ALPK2: variants seen among roughly 807,000 people sequenced by gnomAD.
ALPK2 encodes alpha kinase 2.
Under a neutral mutation model 163.1 loss-of-function variants are expected in ALPK2, and 127 were observed. The observed-to-expected ratio is 0.78, with a 90% confidence interval of 0.67 to 0.90. The LOEUF (loss-of-function observed/expected upper bound fraction) is 0.90. Ranked by LOEUF, ALPK2 falls within the 40% of genes least tolerant of loss-of-function variation. The pLI, the probability that ALPK2 is intolerant of heterozygous loss-of-function variation, is 0.00. For synonymous variants in ALPK2, 953 were observed against 959.1 expected, an observed-to-expected ratio of 0.99 and a Z score of 0.12; for missense variants, 2,360 against 2,589.6, an observed-to-expected ratio of 0.91 and a Z score of 1.92.
chr18:58,503,997 AT>A lies in ALPK2; in HGVS notation c.6180del (p.Lys2060AsnfsTer19). 1.2e-6 allele frequency: 2 copies of A among 1,614,160 alleles called. No homozygotes were observed. The highest frequency in any genetic ancestry group is 1.7e-6 in the Non-Finnish European group (2 of 1,180,032). ...TACACCCAGTGCTGGAAGGTGCAAC[AT>A]TTCTGACCAGCTTCTGATTCTCTTC... Reference protein sequence around the residue: ...FLRRESEAGQKCCTFQHWVYQ... With the variant: ...FLRRESEAGQXCCTFQHWVYQ... On this transcript the variant is annotated frameshift_variant, in exon 11 of 13. Coordinates refer to ENST00000361673, the MANE Select transcript of ALPK2 (RefSeq NM_052947.4). LOFTEE classifies it high-confidence loss of function.
chr18:58,536,869 C>T lies in ALPK2; in HGVS notation c.3318G>A (p.Leu1106=). 6.2e-7 allele frequency: 1 copy of T among 1,614,170 alleles called. No individual in the cohort carries two copies. Among genetic ancestry groups the T allele is most frequent in the South Asian group, 1.1e-5 (1 of 91,084 alleles). ...CCACAGTCTGGCTCTTATCTCCAGACAGGTTATCAACCTGAAGAGGGGAAT... is the reference window on the plus strand; with the variant it reads ...CCACAGTCTGGCTCTTATCTCCAGATAGGTTATCAACCTGAAGAGGGGAAT... ...CSNSPLQVDN[L]SGDKSQTVDR... is the part of the protein sequence containing the mutation. The change falls in exon 5 of 13, where the codon CTG becomes CTA. Residue 1106 remains leucine (L), a synonymous_variant. Transcript: ENST00000361673.
intron 11 of ALPK2, among the ~76,000 whole-genome samples, chr18:58,501,247 G>T (rs750130725): frequency 2.6e-5 from 4 of 152,240 alleles, no homozygotes; most frequent in African/African-American, 7.2e-5. Flanking sequence ...GAAACTAACT[G>T]TGCATGAAGC....
chr18:58,597,945 C>A (rs917706050), intron 3 of ALPK2, among the ~76,000 whole-genome samples: 11 of 152,226 alleles, frequency 7.2e-5, no homozygotes, highest in African/African-American at 2.4e-4. Context: ...GAGAAGGCAG[C>A]TTCTGCAAAC....
At chr18:58,514,270 A>G (rs893034807) in intron 10 of ALPK2, among the ~76,000 whole-genome samples, 7 of 152,262 alleles carry the variant, frequency 4.6e-5, no homozygotes, top group Non-Finnish European at 7.3e-5. Context: ...AACAGGTGCA[A>G]TGCAGACAAG....
chr18:58,600,025 A>ATTTT (rs1568097627), intron 3 of ALPK2, among the ~76,000 whole-genome samples: 13 of 82,888 alleles, frequency 1.6e-4, no homozygotes, highest in Non-Finnish European at 1.9e-4. Flanking sequence ...CAATGGGGAT[A>ATTTT]TCTTTTTTTT....
At chr18:58,547,392 C>T (rs992189838) in intron 4 of ALPK2, among the ~76,000 whole-genome samples, 5 of 152,332 alleles carry the variant, frequency 3.3e-5, no homozygotes, top group Non-Finnish European at 4.4e-5. Flanking sequence ...GGCTGGAGAA[C>T]GGCTCACCAT....
At chr18:58,520,533 T>A (rs770969000) in intron 8 of ALPK2, among the ~76,000 whole-genome samples, 5 of 150,916 alleles carry the variant, frequency 3.3e-5, no homozygotes, top group Admixed American at 6.6e-5. Context: ...CTCACTGAGG[T>A]TCCTTGCTAC....
intron 1 of ALPK2, among the ~76,000 whole-genome samples, chr18:58,626,861 T>C (rs1056907354): frequency 4.0e-5 from 6 of 150,608 alleles, no homozygotes; most frequent in African/African-American, 1.5e-4. Context: ...GTTTATTTTA[T>C]GGTAGTATTC....
chr18:58,602,028 A>G (rs2052073000), intron 3 of ALPK2, among the ~76,000 whole-genome samples: 1 of 152,110 alleles, frequency 6.6e-6, no homozygotes, highest in South Asian at 2.1e-4. Flanking sequence ...AAATGTTTCC[A>G]GACATTACCA....
At chr18:58,574,645 T>G (rs773836063) in intron 4 of ALPK2, among the ~76,000 whole-genome samples, 1 of 151,992 alleles carries the variant, frequency 6.6e-6, no homozygotes, top group Non-Finnish European at 1.5e-5. Context: ...TAATGCCTGA[T>G]GATCTGAAGT....
At chr18:58,620,502 AGGTGAGGGCAGT>A (rs1279936998) in intron 1 of ALPK2, among the ~76,000 whole-genome samples, 2 of 152,216 alleles carry the variant, frequency 1.3e-5, no homozygotes, top group African/African-American at 2.4e-5. Context: ...TGGTGGTTGG[AGGTGAGGGCAGT>A]GGGGAGAATG....
chr18:58,558,956 TG>T (rs1173744560), intron 4 of ALPK2, among the ~76,000 whole-genome samples: 1 of 152,216 alleles, frequency 6.6e-6, no homozygotes, highest in Non-Finnish European at 1.5e-5. Context: ...TTAATAAGTA[TG>T]GGTTTCTTTC....
chr18:58,499,981 G>A (rs548441851), intron 11 of ALPK2, among the ~76,000 whole-genome samples: 3 of 152,360 alleles, frequency 2.0e-5, no homozygotes, highest in South Asian at 4.1e-4. Flanking sequence ...CGGATTCAGC[G>A]TTATCTGCTG....
intron 12 of ALPK2, among the ~76,000 whole-genome samples, chr18:58,482,819 G>T (rs764768019): frequency 1.3e-5 from 2 of 152,156 alleles, no homozygotes; most frequent in Non-Finnish European, 2.9e-5. Flanking sequence ...CTCCTTGAAT[G>T]GACAGCTGCC....
intron 4 of ALPK2, among the ~76,000 whole-genome samples, chr18:58,570,129 CAA>C (rs11329554): frequency 0.18 from 22,497 of 125,382 alleles, 1,797 homozygotes; most frequent in East Asian, 0.29. Context: ...GACTCCGTCT[CAA>C]AAAAAAAAAA....
rs940061249 is a variant in ALPK2, at chr18:58,504,267, G to A, written c.6030-119C>T. On this transcript the variant is annotated intron_variant, in intron 10 of 12. Coordinates refer to ENST00000361673, the MANE Select transcript of ALPK2 (RefSeq NM_052947.4). ...ATAGAATTTGTCCCCAATTCTGCTA[G>A]GTTTAGACTACAAATCCATCCAATG... 22 of 774,828 alleles carry A rather than the reference G, an allele frequency of 2.8e-5. No homozygotes were observed. In the African/African-American group the frequency reaches 3.7e-4, roughly 13 times the overall value. 48.0% of individuals were successfully genotyped at this position (774,828 alleles called of 1,614,324 possible).
At position 58,578,742 on chromosome 18, in the gene ALPK2, A is replaced by ACG. The variant is rs758855904; in HGVS notation, c.1962+71_1962+72insCG. 1.1e-5 allele frequency: 13 copies of ACG among 1,231,888 alleles called. No individual in the cohort carries two copies. In the African/African-American group the frequency reaches 2.0e-4, roughly 19 times the overall value. 76.3% of individuals were successfully genotyped at this position (1,231,888 alleles called of 1,614,324 possible). A position where few individuals can be genotyped will look rare whatever the true frequency, so the allele number is the denominator to read the frequency against. Reference sequence around the variant, plus strand: ...GTGAAGTAAAGGAAGAGACACACACACACACACACACACACACACACACAC... The same window carrying ACG: ...GTGAAGTAAAGGAAGAGACACACACACGCACACACACACACACACACACACAC... On this transcript the variant is annotated intron_variant, in intron 4 of 12. Coordinates refer to ENST00000361673, the MANE Select transcript of ALPK2 (RefSeq NM_052947.4).
rs538807067 is a variant in ALPK2, at chr18:58,570,335, T to C, written c.1962+8479A>G. ...GGTTTAGATCAGCTGCCTTGTATTT[T>C]TCTATGCCCTAAAAACATTTACTAG... On this transcript the variant is annotated intron_variant, in intron 4 of 12. Coordinates refer to ENST00000361673, the MANE Select transcript of ALPK2 (RefSeq NM_052947.4). 1.7e-4 allele frequency among the ~76,000 whole-genome samples: 26 copies of C among 152,360 alleles called. 1 individual carries two copies. In the Middle Eastern group the frequency reaches 0.02, roughly 120 times the overall value.
intron 4 of ALPK2, among the ~76,000 whole-genome samples, chr18:58,553,154 A>T (rs773722941): frequency 6.6e-6 from 1 of 152,200 alleles, no homozygotes; most frequent in South Asian, 2.1e-4. Context: ...TCAGACCTCC[A>T]GGGAAAACCA....
Sources: allele counts gnomAD v4.1 joint callset (sites outside exome capture counted in the v4.1 genomes callset), GRCh38; gene constraint gnomAD v4.1.1; transcripts MANE v1.5; gene names NCBI Gene and HGNC (gene_info 2026-07-23, HGNC 2026-07-21).